The following ZFAND3 variants were observed in gnomAD, a reference collection of about 807,000 sequenced individuals.
The protein encoded by ZFAND3 is AN1-type zinc finger protein 3.
Under a neutral mutation model 29.6 loss-of-function variants are expected in ZFAND3, and 10 were observed. The ratio of observed to expected loss-of-function variants is 0.34; its 90% CI spans 0.21 to 0.57. The LOEUF is 0.57. Ranked by LOEUF, ZFAND3 falls within the 20% of genes least tolerant of loss-of-function variation. ZFAND3 has a pLI of 0.86. For synonymous variants in ZFAND3, 128 were observed against 112.6 expected, an observed-to-expected ratio of 1.14 and a Z score of -0.87; for missense variants, 230 against 304.5, an observed-to-expected ratio of 0.76 and a Z score of 1.82.
chr6:38,067,671 C>T (rs1338986311), intron 3 of ZFAND3, among the ~76,000 whole-genome samples: 1 of 152,184 alleles, frequency 6.6e-6, no homozygotes, highest in African/African-American at 2.4e-5. Flanking sequence ...TTTGACCCAA[C>T]TTTTGCAGAG....
intron 1 of ZFAND3, among the ~76,000 whole-genome samples, chr6:37,925,709 A>G (rs1761472209): frequency 1.3e-5 from 2 of 152,058 alleles, no homozygotes; most frequent in Admixed American, 6.5e-5. Flanking sequence ...ATCTCAAAAA[A>G]AAAAAAAAAA....
intron 2 of ZFAND3, among the ~76,000 whole-genome samples, chr6:38,060,995 C>T (rs2127463364): frequency 6.6e-6 from 1 of 152,202 alleles, no homozygotes; most frequent in Non-Finnish European, 1.5e-5. Flanking sequence ...TGGACCCACA[C>T]GGTTCAAACC....
intron 3 of ZFAND3, among the ~76,000 whole-genome samples, chr6:38,067,637 A>T (rs186228092): frequency 6.6e-6 from 1 of 152,328 alleles, no homozygotes; most frequent in East Asian, 1.9e-4. Flanking sequence ...TGAGGGAGAT[A>T]AAGTGTGATT....
chr6:37,921,881 G>GC (rs1761386813), intron 1 of ZFAND3, among the ~76,000 whole-genome samples: 1 of 109,706 alleles, frequency 9.1e-6, no homozygotes, highest in Admixed American at 9.3e-5. Flanking sequence ...CCCCATCTCT[G>GC]CAAAAAAAAA....
intron 2 of ZFAND3, among the ~76,000 whole-genome samples, chr6:38,042,665 C>T (rs182143592): frequency 2.0e-5 from 3 of 152,186 alleles, no homozygotes; most frequent in African/African-American, 7.2e-5. Context: ...ATTATTGGCT[C>T]TCACAAGAAA....
At chr6:38,107,842 G>A (rs1224454209) in intron 4 of ZFAND3, among the ~76,000 whole-genome samples, 2 of 151,814 alleles carry the variant, frequency 1.3e-5, no homozygotes, top group Non-Finnish European at 2.9e-5. Context: ...AAAAGTTACA[G>A]GATACCATTG....
At chr6:37,977,164 G>T (rs1363801408) in intron 2 of ZFAND3, among the ~76,000 whole-genome samples, 1 of 152,126 alleles carries the variant, frequency 6.6e-6, no homozygotes, top group Non-Finnish European at 1.5e-5. Flanking sequence ...AGTAGAAAAG[G>T]TATAGTAGAA....
chr6:38,043,077 A>G (rs1353939784), intron 2 of ZFAND3, among the ~76,000 whole-genome samples: 1 of 152,210 alleles, frequency 6.6e-6, no homozygotes, highest in African/African-American at 2.4e-5. Flanking sequence ...TAATATACAC[A>G]TAAGTGTGCA....
intron 3 of ZFAND3, among the ~76,000 whole-genome samples, chr6:38,077,244 T>G (rs1378507158): frequency 6.6e-6 from 1 of 151,904 alleles, no homozygotes; most frequent in East Asian, 1.9e-4. Flanking sequence ...AGGGAGAGAA[T>G]TGTAGCCCTT....
chr6:37,873,116 A>C (rs933873133), intron 1 of ZFAND3, among the ~76,000 whole-genome samples: 40 of 148,868 alleles, frequency 2.7e-4, no homozygotes, highest in African/African-American at 7.4e-4. Flanking sequence ...AAAACCCCCC[A>C]AAAAATTAGC....
At position 38,042,433 on chromosome 6, in the gene ZFAND3, C is replaced by T. The variant is rs144799052; in HGVS notation, c.113-19160C>T. Among the ~76,000 whole-genome samples the T allele has an allele frequency of 6.2e-3, 937 of 151,832 alleles. 4 individuals are homozygous for T. Among genetic ancestry groups the T allele is most frequent in the South Asian group, 0.031 (148 of 4,804 alleles). On this transcript the variant is annotated intron_variant, in intron 2 of 5. Transcript: ENST00000287218. ...GGTTCAAGCAATTCTCCTGCTTCAGCCTCTTGAGTAGCTGGGATTATAGGC... is the reference window on the plus strand; with the variant it reads ...GGTTCAAGCAATTCTCCTGCTTCAGTCTCTTGAGTAGCTGGGATTATAGGC...
chr6:37,885,197 AGG>A (rs1764967811), intron 1 of ZFAND3, among the ~76,000 whole-genome samples: 1 of 152,116 alleles, frequency 6.6e-6, no homozygotes, highest in African/African-American at 2.4e-5. Flanking sequence ...TTGGGAAAAA[AGG>A]GGTGGGTAAT....
At chr6:37,965,301 A>C (rs1581797009) in intron 2 of ZFAND3, among the ~76,000 whole-genome samples, 1 of 152,198 alleles carries the variant, frequency 6.6e-6, no homozygotes, top group East Asian at 1.9e-4. Flanking sequence ...TTAGACCAGT[A>C]ACAATTTCCA....
intron 1 of ZFAND3, among the ~76,000 whole-genome samples, chr6:37,873,385 G>T (rs1021212893): frequency 1.3e-5 from 2 of 152,218 alleles, no homozygotes; most frequent in Admixed American, 1.3e-4. Context: ...ATAATAGAAG[G>T]TAAACACAGC....
chr6:38,073,697 T>C (rs1764500213), intron 3 of ZFAND3, among the ~76,000 whole-genome samples: 1 of 152,238 alleles, frequency 6.6e-6, no homozygotes, highest in Admixed American at 6.5e-5. Context: ...TGTTGGACTT[T>C]ATCACATTTT....
intron 1 of ZFAND3, among the ~76,000 whole-genome samples, chr6:37,846,057 T>G (rs1764171665): frequency 6.6e-6 from 1 of 152,216 alleles, no homozygotes; most frequent in Non-Finnish European, 1.5e-5. Context: ...ATTAAATACC[T>G]GTACAGCTTT....
intron 2 of ZFAND3, among the ~76,000 whole-genome samples, chr6:37,973,153 A>C (rs1350844537): frequency 6.6e-6 from 1 of 152,090 alleles, no homozygotes; most frequent in Non-Finnish European, 1.5e-5. Context: ...GTCAGTTTTC[A>C]AATGTTGCAA....
chr6:38,019,039 T>G (rs976106409), intron 2 of ZFAND3, among the ~76,000 whole-genome samples: 2 of 152,252 alleles, frequency 1.3e-5, no homozygotes, highest in Admixed American at 1.3e-4. Flanking sequence ...CTGGGCTCAC[T>G]GCAACCTCCA....
intron 2 of ZFAND3, among the ~76,000 whole-genome samples, chr6:37,939,438 A>C (rs553658799): frequency 9.2e-5 from 14 of 152,052 alleles, no homozygotes; most frequent in Non-Finnish European, 1.6e-4. Context: ...CTTATCCCGG[A>C]TTATCTCATC....
Sources: gnomAD v4.1 joint callset for allele counts (sites outside exome capture counted in the v4.1 genomes callset) on GRCh38, gnomAD v4.1.1 for gene constraint, MANE v1.5 for transcripts, NCBI Gene and HGNC (gene_info 2026-07-23, HGNC 2026-07-21) for gene names.